The following ADGRL3 variants were observed in gnomAD, a reference collection of about 807,000 sequenced individuals.
ADGRL3 encodes the protein calcium-independent alpha-latrotoxin receptor 3.
In ADGRL3, 62 loss-of-function variants were observed where a neutral mutation model predicts 153.5. The observed-to-expected ratio is 0.40, with a 90% CI of 0.33 to 0.50. ADGRL3 has a LOEUF of 0.50. ADGRL3 is among the 20% of genes least tolerant of loss of function. The pLI, the probability that ADGRL3 is intolerant of heterozygous loss-of-function variation, is 0.47. For synonymous variants in ADGRL3, 710 were observed against 672.5 expected (o/e 1.06, Z -0.86); for missense variants, 1,641 against 1,859.4 (o/e 0.88, Z 2.16).
intron 1 of ADGRL3, among the ~76,000 whole-genome samples, chr4:61,336,927 T>C (rs1196665161): frequency 6.6e-6 from 1 of 151,348 alleles, no homozygotes; most frequent in East Asian, 1.9e-4. Context: ...ATGCATGCAG[T>C]CACCACTCTG....
At chr4:61,370,495 G>GTCA (rs1217948232) in intron 1 of ADGRL3, among the ~76,000 whole-genome samples, 1 of 152,072 alleles carries the variant, frequency 6.6e-6, no homozygotes, top group Non-Finnish European at 1.5e-5. Context: ...GTACCCAGTA[G>GTCA]TCATTCAGGA....
Position 61,652,530 on chromosome 4 carries a change from A to G in ADGRL3, c.474-24296A>G, listed in dbSNP as rs80007071. 1.6e-4 allele frequency among the ~76,000 whole-genome samples: 25 copies of G among 152,286 alleles called. No homozygotes were observed. The East Asian group carries it at 4.8e-3, about 29-fold the overall frequency. On this transcript the variant is annotated intron_variant, in intron 5 of 26. Transcript: ENST00000683033. ...TTATAATATAACCCATCTCTCCTACATGACCTAAAATATTTACTATCTGAA... is the reference window on the plus strand; with the variant it reads ...TTATAATATAACCCATCTCTCCTACGTGACCTAAAATATTTACTATCTGAA...
intron 1 of ADGRL3, among the ~76,000 whole-genome samples, chr4:61,313,260 G>C (rs759849496): frequency 6.6e-6 from 1 of 152,140 alleles, no homozygotes; most frequent in Non-Finnish European, 1.5e-5. Context: ...AGAAAGATGA[G>C]CACAGGAGAT....
intron 1 of ADGRL3, among the ~76,000 whole-genome samples, chr4:61,343,479 T>C (rs773653126): frequency 6.6e-5 from 10 of 152,186 alleles, no homozygotes; most frequent in Non-Finnish European, 1.5e-5. Context: ...TCAAAAGTGA[T>C]GTGTGAGAAG....
chr4:61,855,899 A>C (rs549624668), intron 9 of ADGRL3, among the ~76,000 whole-genome samples: 1 of 152,320 alleles, frequency 6.6e-6, no homozygotes, highest in African/African-American at 2.4e-5. Flanking sequence ...GCAATTAAGT[A>C]AACTCTGTGA....
intron 4 of ADGRL3, among the ~76,000 whole-genome samples, chr4:61,547,244 A>T (rs1041966448): frequency 6.6e-6 from 1 of 151,840 alleles, no homozygotes; most frequent in African/African-American, 2.4e-5. Flanking sequence ...ATCAGCCACA[A>T]TAATTTTCTG....
intron 13 of ADGRL3, among the ~76,000 whole-genome samples, chr4:61,919,483 A>G (rs2098758564): frequency 6.6e-6 from 1 of 152,158 alleles, no homozygotes; most frequent in African/African-American, 2.4e-5. Flanking sequence ...CATTGAGATC[A>G]AAGAAAGTGA....
At chr4:61,366,024 C>G (rs775613251) in intron 1 of ADGRL3, among the ~76,000 whole-genome samples, 1 of 151,910 alleles carries the variant, frequency 6.6e-6, no homozygotes, top group Non-Finnish European at 1.5e-5. Flanking sequence ...TACAACTTAC[C>G]TATAATTTTG....
chr4:61,914,292 G>A (rs1397244171), intron 13 of ADGRL3, among the ~76,000 whole-genome samples: 1 of 152,038 alleles, frequency 6.6e-6, no homozygotes, highest in East Asian at 1.9e-4. Context: ...GTTTCCGTAG[G>A]GAAGGAAAGA....
At chr4:61,624,771 T>A (rs1489108591) in intron 5 of ADGRL3, among the ~76,000 whole-genome samples, 4 of 152,114 alleles carry the variant, frequency 2.6e-5, no homozygotes, top group Admixed American at 2.0e-4. Context: ...TGAGATGTCA[T>A]TAAGAATTTG....
At chr4:61,961,520 A>C (rs1227012558) in intron 17 of ADGRL3, among the ~76,000 whole-genome samples, 2 of 152,208 alleles carry the variant, frequency 1.3e-5, no homozygotes, top group Non-Finnish European at 2.9e-5. Flanking sequence ...GCTTTCTCCC[A>C]TCTACAGTGG....
At chr4:61,499,809 A>G (rs1446222906) in intron 3 of ADGRL3, among the ~76,000 whole-genome samples, 1 of 152,176 alleles carries the variant, frequency 6.6e-6, no homozygotes, top group East Asian at 1.9e-4. Flanking sequence ...AGAGAAAATT[A>G]GGTTAAAAAT....
chr4:61,501,471 G>T (rs534465605), intron 3 of ADGRL3, among the ~76,000 whole-genome samples: 25 of 152,176 alleles, frequency 1.6e-4, no homozygotes, highest in African/African-American at 5.8e-4. Flanking sequence ...AGGAAAATAA[G>T]TAATTACTGT....
chr4:61,288,580 G>A (rs887830079), intron 1 of ADGRL3, among the ~76,000 whole-genome samples: 6 of 151,904 alleles, frequency 3.9e-5, no homozygotes, highest in Non-Finnish European at 7.4e-5. Context: ...TATTAGCTAG[G>A]ACTAGGTTAC....
chr4:61,309,436 A>G (rs1452289306), intron 1 of ADGRL3, among the ~76,000 whole-genome samples: 1 of 152,208 alleles, frequency 6.6e-6, no homozygotes, highest in Non-Finnish European at 1.5e-5. Context: ...CATATGTGTG[A>G]AAACTACCAA....
At chr4:61,827,944 T>G (rs1025255756) in intron 9 of ADGRL3, among the ~76,000 whole-genome samples, 1 of 152,178 alleles carries the variant, frequency 6.6e-6, no homozygotes, top group Non-Finnish European at 1.5e-5. Context: ...TTTAGCCTTG[T>G]CTAAGTAATT....
chr4:61,908,470 G>T, intron 11 of ADGRL3, among the ~76,000 whole-genome samples: 1 of 151,948 alleles, frequency 6.6e-6, no homozygotes, highest in Admixed American at 6.6e-5. Context: ...GGTGGCGGGC[G>T]CCTGTAATCC....
At chr4:61,789,265 TTCTC>T (rs1019598355) in intron 8 of ADGRL3, among the ~76,000 whole-genome samples, 10 of 152,232 alleles carry the variant, frequency 6.6e-5, no homozygotes, top group Non-Finnish European at 1.0e-4. Flanking sequence ...AGTAAAATCT[TTCTC>T]TCTGTCTCTG....
intron 9 of ADGRL3, among the ~76,000 whole-genome samples, chr4:61,870,876 C>T (rs997858545): frequency 3.9e-5 from 6 of 152,256 alleles, no homozygotes; most frequent in Admixed American, 2.0e-4. Context: ...GTTTGGAAAA[C>T]AATCTGATAG....
Sources: allele counts gnomAD v4.1 joint callset (sites outside exome capture counted in the v4.1 genomes callset), GRCh38; gene constraint gnomAD v4.1.1; transcripts MANE v1.5; gene names NCBI Gene and HGNC (gene_info 2026-07-23, HGNC 2026-07-21).